Variants in MYO1B observed in about 807,000 individuals in gnomAD.
MYO1B encodes the protein unconventional myosin-Ib.
In MYO1B, 72 loss-of-function variants were observed where a neutral mutation model predicts 159.7. The ratio of observed to expected loss-of-function variants is 0.45; its 90% CI spans 0.37 to 0.55. The LOEUF is 0.55. Ranked by LOEUF, MYO1B falls within the 20% of genes least tolerant of loss-of-function variation. MYO1B has a pLI of 0.00. For missense variants in MYO1B, 1,062 were observed against 1,364.8 expected (o/e 0.78, Z 3.50); for synonymous variants, 468 against 473.8 (o/e 0.99, Z 0.16).
chr2:191,398,589 A>G (rs1375294788), intron 21 of MYO1B, among the ~76,000 whole-genome samples: 3 of 138,618 alleles, frequency 2.2e-5, no homozygotes, highest in East Asian at 2.3e-4. Context: ...CCTCCCAGAC[A>G]GGGTTGCGGC....
chr2:191,359,997 A>G (rs1194478028), intron 7 of MYO1B, among the ~76,000 whole-genome samples: 2 of 152,228 alleles, frequency 1.3e-5, no homozygotes, highest in East Asian at 1.9e-4. Flanking sequence ...ATTCCATTCA[A>G]TGAGAACCAT....
At chr2:191,359,171 A>G (rs1430339083) in intron 7 of MYO1B, among the ~76,000 whole-genome samples, 1 of 152,142 alleles carries the variant, frequency 6.6e-6, no homozygotes, top group Non-Finnish European at 1.5e-5. Context: ...GTTTAACATT[A>G]CTTATTTAGT....
At chr2:191,345,765 T>A (rs946666640) in intron 5 of MYO1B, among the ~76,000 whole-genome samples, 1 of 152,178 alleles carries the variant, frequency 6.6e-6, no homozygotes, top group African/African-American at 2.4e-5. Flanking sequence ...TTTAAATAGC[T>A]TTATTTTAAA....
intron 2 of MYO1B, among the ~76,000 whole-genome samples, chr2:191,278,327 C>T (rs1687865915): frequency 6.6e-6 from 1 of 152,200 alleles, no homozygotes; most frequent in South Asian, 2.1e-4. Context: ...AGAGCTCTGT[C>T]CTTATGACCT....
chr2:191,344,829 CAAA>C (rs10646926), intron 5 of MYO1B, among the ~76,000 whole-genome samples: 1 of 56,158 alleles, frequency 1.8e-5, no homozygotes, highest in African/African-American at 7.1e-5. Context: ...GACTCCGTCT[CAAA>C]AAAAAAAAAA....
chr2:191,271,835 T>C (rs1046943322), intron 1 of MYO1B, among the ~76,000 whole-genome samples: 3 of 152,198 alleles, frequency 2.0e-5, no homozygotes, highest in Non-Finnish European at 4.4e-5. Context: ...ATGTGCTGTT[T>C]TGTGTAGCCA....
chr2:191,388,150 G>A (rs1486592884), intron 17 of MYO1B: 1 of 152,382 alleles, frequency 6.6e-6, no homozygotes, highest in Non-Finnish European at 1.5e-5. Context: ...TGGGCGTGGT[G>A]GCAGGAACCT....
chr2:191,402,616 ATC>A lies in MYO1B; in HGVS notation c.2470-14_2470-13del, dbSNP rs753286750. On this transcript the variant is annotated splice_polypyrimidine_tract_variant and intron_variant, in intron 23 of 30. Coordinates refer to ENST00000392318, the MANE Select transcript of MYO1B (RefSeq NM_001130158.3). ...CATTGGGCTGTCTCTTTTATTTACT[ATC>A]TAAAACATTCTAGGCTCGAAGGGAA... The A allele has an allele frequency of 5.6e-6, 9 of 1,610,652 alleles. No individual in the cohort carries two copies. The highest frequency in any genetic ancestry group is 7.6e-6 in the Non-Finnish European group (9 of 1,177,790).
chr2:191,409,315 C>G, intron 26 of MYO1B, 137 bp downstream of exon 26: 1 of 995,404 alleles, frequency 1.0e-6, no homozygotes, highest in Non-Finnish European at 1.5e-6. Flanking sequence ...GTGATTTTCC[C>G]CCATGCACCA....
Position 191,424,031 on chromosome 2 carries a change from G to T in MYO1B, c.*71G>T. ...TGCAATTTGGTTTTGTTTTATTTGG[G>T]GTTCATTGTATGTTTGGGAATCACC... On this transcript the variant is annotated 3_prime_UTR_variant, in exon 31 of 31. Transcript: ENST00000392318. The T allele has an allele frequency of 4.0e-6, 6 of 1,510,546 alleles. No individual in the cohort carries two copies. Among genetic ancestry groups the T allele is most frequent in the South Asian group, 1.4e-5 (1 of 73,160 alleles). 93.6% of individuals were successfully genotyped at this position (1,510,546 alleles called of 1,614,324 possible).
At chr2:191,409,986 T>C (rs988508300) in intron 26 of MYO1B, among the ~76,000 whole-genome samples, 2 of 152,220 alleles carry the variant, frequency 1.3e-5, no homozygotes, top group African/African-American at 4.8e-5. Context: ...CTTGTTTTTT[T>C]GTTAGAATCA....
At chr2:191,285,024 T>C (rs983670034) in intron 2 of MYO1B, among the ~76,000 whole-genome samples, 1 of 152,190 alleles carries the variant, frequency 6.6e-6, no homozygotes, top group African/African-American at 2.4e-5. Flanking sequence ...TTCATAGCAG[T>C]TCCTGTGTTT....
chr2:191,279,395 G>T (rs1246150257), intron 2 of MYO1B, among the ~76,000 whole-genome samples: 1 of 151,642 alleles, frequency 6.6e-6, no homozygotes, highest in Non-Finnish European at 1.5e-5. Flanking sequence ...TATGTACAGA[G>T]AGACAGGTAT....
chr2:191,344,861 A>C (rs1225237730), intron 5 of MYO1B, among the ~76,000 whole-genome samples: 3 of 151,672 alleles, frequency 2.0e-5, no homozygotes, highest in Non-Finnish European at 1.5e-5. Context: ...AGAATCAAAA[A>C]CACGAAAAAG....
At chr2:191,405,589 A>C (rs1696868593) in intron 24 of MYO1B, among the ~76,000 whole-genome samples, 1 of 152,260 alleles carries the variant, frequency 6.6e-6, no homozygotes, top group South Asian at 2.1e-4. Context: ...GAGCTGCAGA[A>C]TGGATGTTGT....
At chr2:191,392,027 C>G in intron 18 of MYO1B, 81 bp from the exon 19 acceptor site, 1 of 975,294 alleles carries the variant, frequency 1.0e-6, no homozygotes, top group Non-Finnish European at 1.5e-6. Flanking sequence ...TTTTATACCA[C>G]TGAGAACCTG....
chr2:191,307,376 G>C (rs1287491219), intron 3 of MYO1B, among the ~76,000 whole-genome samples: 4 of 152,134 alleles, frequency 2.6e-5, no homozygotes, highest in Admixed American at 2.6e-4. Flanking sequence ...CCAGAGGGCA[G>C]CTTCCTCGCC....
chr2:191,336,869 T>C (rs1304070241), intron 4 of MYO1B, among the ~76,000 whole-genome samples: 1 of 152,150 alleles, frequency 6.6e-6, no homozygotes, highest in African/African-American at 2.4e-5. Context: ...TTTGGTGTCT[T>C]AACTAGAGAG....
At chr2:191,343,792 T>G (rs1173469879) in intron 5 of MYO1B, among the ~76,000 whole-genome samples, 1 of 152,200 alleles carries the variant, frequency 6.6e-6, no homozygotes, top group African/African-American at 2.4e-5. Context: ...AGAAGAAATG[T>G]CTACTGTGGG....
Sources: gnomAD v4.1 joint callset for allele counts (sites outside exome capture counted in the v4.1 genomes callset) on GRCh38, gnomAD v4.1.1 for gene constraint, MANE v1.5 for transcripts, NCBI Gene and HGNC (gene_info 2026-07-23, HGNC 2026-07-21) for gene names.